CAMTA1: variants seen among roughly 807,000 people sequenced by gnomAD.
The protein encoded by CAMTA1 is calmodulin binding transcription activator 1, also known as calmodulin-binding transcription activator 1.
Under a neutral mutation model 170.9 loss-of-function variants are expected in CAMTA1, and 27 were observed. The ratio of observed to expected loss-of-function variants is 0.16; its 90% CI spans 0.12 to 0.22. CAMTA1 has a LOEUF of 0.22. CAMTA1 is among the 10% of genes least tolerant of loss of function. The probability of loss-of-function intolerance (pLI) is 1.00; values close to 1 mark genes in which losing one functional copy is unlikely to be tolerated. For synonymous variants in CAMTA1, 833 were observed against 891.5 expected (o/e 0.93, Z 1.17); for missense variants, 1,619 against 2,217.2 (o/e 0.73, Z 5.42).
At chr1:7,655,651 ACCCACACACCTATG>A (rs2095895831) in intron 7 of CAMTA1, among the ~76,000 whole-genome samples, 1 of 149,914 alleles carries the variant, frequency 6.7e-6, no homozygotes, top group Admixed American at 6.6e-5. Context: ...CACACTACAC[ACCCACACACCTATG>A]CACACACACT....
intron 5 of CAMTA1, among the ~76,000 whole-genome samples, chr1:7,342,628 G>A (rs891278159): frequency 6.6e-6 from 1 of 152,206 alleles, no homozygotes; most frequent in African/African-American, 2.4e-5. Context: ...AGAACATAGG[G>A]CTGGAGCCAT....
intron 6 of CAMTA1, among the ~76,000 whole-genome samples, chr1:7,622,100 G>T (rs1479521065): frequency 6.6e-6 from 1 of 152,210 alleles, no homozygotes; most frequent in Admixed American, 6.5e-5. Context: ...GGTATGGGGG[G>T]AGGAGGAGGA....
rs2097034850 is a variant in CAMTA1, at chr1:7,768,185, C to A, written c.*1694C>A. 1 of 147,160 alleles carries A rather than the reference C, an allele frequency of 6.8e-6. No homozygotes were observed. The highest frequency in any genetic ancestry group is 1.5e-5 in the Non-Finnish European group (1 of 67,130). The allele number at this position is 147,160 out of a possible 1,614,324, so 9.1% of individuals were successfully genotyped here. A position where few individuals can be genotyped will look rare whatever the true frequency, so the allele number is the denominator to read the frequency against. ...GAAAAATGTCACGTTTCCATATCTC[C>A]TGCTGGAAATCAGAAAATATAATAA... On this transcript the variant is annotated 3_prime_UTR_variant, in exon 23 of 23. Coordinates refer to ENST00000303635, the MANE Select transcript of CAMTA1 (RefSeq NM_015215.4).
chr1:7,515,643 C>T (rs1048778528), intron 6 of CAMTA1, among the ~76,000 whole-genome samples: 2 of 152,126 alleles, frequency 1.3e-5, no homozygotes, highest in Non-Finnish European at 2.9e-5. Context: ...CAGCTCATCT[C>T]GGAGCGAGAG....
Position 7,270,287 on chromosome 1 carries a change from A to ATTTT in CAMTA1, c.438+20662_438+20663insTTTT, listed in dbSNP as rs1249476043. On this transcript the variant is annotated intron_variant, in intron 5 of 22. Coordinates refer to ENST00000303635, the MANE Select transcript of CAMTA1 (RefSeq NM_015215.4). ...CACACACACACACATATATATATAT[A>ATTTT]TATATTTTTTTTTTTTTTTCTTGTG... Among the ~76,000 whole-genome samples, 753 of 111,496 alleles carry ATTTT rather than the reference A, an allele frequency of 6.8e-3. 15 individuals carry two copies. The highest frequency in any genetic ancestry group is 0.03 in the African/African-American group (728 of 24,666). The allele number at this position is 111,496 out of a possible 152,430, so 73.1% of individuals were successfully genotyped here. A position where few individuals can be genotyped will look rare whatever the true frequency, so the allele number is the denominator to read the frequency against.
At chr1:7,004,923 A>G (rs865962790) in intron 3 of CAMTA1, among the ~76,000 whole-genome samples, 5 of 152,078 alleles carry the variant, frequency 3.3e-5, no homozygotes, top group Non-Finnish European at 1.5e-5. Flanking sequence ...ACATGCCATC[A>G]CACCCGGCTA....
intron 3 of CAMTA1, among the ~76,000 whole-genome samples, chr1:6,927,030 G>A (rs1683421708): frequency 1.3e-5 from 2 of 152,032 alleles, no homozygotes; most frequent in African/African-American, 4.8e-5. Flanking sequence ...ATGAGCCACT[G>A]CACCTGGCCT....
In CAMTA1 at chr1:7,661,787, G is replaced by C; in HGVS notation, c.726G>C (p.Gln242His). The C allele has an allele frequency of 6.2e-7, 1 of 1,613,302 alleles. No homozygotes were observed. Among genetic ancestry groups the C allele is most frequent in the Non-Finnish European group, 8.5e-7 (1 of 1,179,786 alleles). Residue 242 changes from glutamine (Q) to histidine (H), a missense_variant, in exon 8 of 23, where the codon CAG (glutamine) becomes CAC (histidine). Gln to His is a conservative substitution (Grantham distance 24). This residue lies in a region of CAMTA1 where 731 missense variants were observed against 907.6 expected (regional missense o/e 0.81). Transcript: ENST00000303635. ...GNSSSGFSVEQLVQQILDSHQ... is the reference protein window; with the variant it reads ...GNSSSGFSVEHLVQQILDSHQ... ...GCAGCTCAGGCTTCTCGGTGGAACA[G>C]CTGGTGCAGCAGATCCTCGACAGCC... is the stretch of plus-strand genomic sequence containing the variant.
intron 4 of CAMTA1, among the ~76,000 whole-genome samples, chr1:7,162,424 A>G (rs952298684): frequency 6.6e-6 from 1 of 152,030 alleles, no homozygotes; most frequent in African/African-American, 2.4e-5. Context: ...ATCATCCCCA[A>G]AGGAAACCCT....
At chr1:7,220,563 C>A (rs1400182943) in intron 4 of CAMTA1, among the ~76,000 whole-genome samples, 1 of 152,078 alleles carries the variant, frequency 6.6e-6, no homozygotes, top group East Asian at 1.9e-4. Flanking sequence ...GGTGTTCCCA[C>A]AGTGCCACCC....
At chr1:7,587,852 G>A (rs908022861) in intron 6 of CAMTA1, among the ~76,000 whole-genome samples, 1 of 152,078 alleles carries the variant, frequency 6.6e-6, no homozygotes, top group Non-Finnish European at 1.5e-5. Context: ...AGCCCCCAGA[G>A]AGAGCAGACC....
chr1:7,281,132 C>T (rs573614092), intron 5 of CAMTA1, among the ~76,000 whole-genome samples: 4 of 152,286 alleles, frequency 2.6e-5, no homozygotes, highest in African/African-American at 9.6e-5. Context: ...ACAAAGGGTA[C>T]CTCTATGTCT....
chr1:7,688,329 A>G (rs2096276324), intron 11 of CAMTA1, among the ~76,000 whole-genome samples: 2 of 152,064 alleles, frequency 1.3e-5, no homozygotes, highest in Admixed American at 6.5e-5. Context: ...CTACCACAGC[A>G]TTTGGATGTG....
rs569365135 is a variant in CAMTA1 at position 7,749,460 on chromosome 1, G to A, written c.4689+1679G>A. The stretch of plus-strand genomic sequence containing the variant: ...TGTTTGGTGAGCAGGCTTCCTGGGA[G>A]CACAAGTGATACACAGAATGAAGGT... On this transcript the variant is annotated intron_variant, in intron 19 of 22. Transcript: ENST00000303635. Among the ~76,000 whole-genome samples, 91 of 152,034 alleles carry A rather than the reference G, an allele frequency of 6.0e-4. 1 individual carries two copies. The highest frequency in any genetic ancestry group is 2.1e-3 in the African/African-American group (86 of 41,468).
intron 3 of CAMTA1, among the ~76,000 whole-genome samples, chr1:6,874,583 G>A (rs1669306491): frequency 6.6e-6 from 1 of 152,192 alleles, no homozygotes; most frequent in African/African-American, 2.4e-5. Flanking sequence ...CACTGACTTA[G>A]AGACCCTTAT....
chr1:7,452,091 G>A (rs2092839002), intron 5 of CAMTA1, among the ~76,000 whole-genome samples: 1 of 152,206 alleles, frequency 6.6e-6, no homozygotes, highest in African/African-American at 2.4e-5. Context: ...TAAACTGGAG[G>A]CCTCAAGGGC....
chr1:6,905,694 C>T (rs1678298193), intron 3 of CAMTA1, among the ~76,000 whole-genome samples: 1 of 152,162 alleles, frequency 6.6e-6, no homozygotes, highest in South Asian at 2.1e-4. Flanking sequence ...GTGCCCCTGC[C>T]CCCTGCTTTG....
chr1:7,688,011 C>CTTTTT (rs70987364), intron 11 of CAMTA1, among the ~76,000 whole-genome samples: 16 of 103,276 alleles, frequency 1.5e-4, no homozygotes, highest in African/African-American at 3.7e-4. Flanking sequence ...CTCATTATTC[C>CTTTTT]TTTTTTTTTT....
rs1276614268 is a variant in CAMTA1 at position 7,570,814 on chromosome 1, A to C, written c.511-69586A>C. Among the ~76,000 whole-genome samples the C allele has an allele frequency of 6.6e-6, 1 of 152,084 alleles. No individual in the cohort carries two copies. Among genetic ancestry groups the C allele is most frequent in the Non-Finnish European group, 1.5e-5 (1 of 68,014 alleles). On this transcript the variant is annotated intron_variant, in intron 6 of 22. Coordinates refer to ENST00000303635, the MANE Select transcript of CAMTA1 (RefSeq NM_015215.4). The surrounding 1 kb of genome is among the most constrained non-coding windows in gnomAD (Gnocchi z 4.3). ...TCAGTGTTATCATGCGAGGATGGGG[A>C]TAGGGTACGGAGACTGGAGAGAGCC... is the stretch of plus-strand genomic sequence containing the variant.
Sources: allele counts gnomAD v4.1 joint callset (sites outside exome capture counted in the v4.1 genomes callset), GRCh38; gene constraint gnomAD v4.1.1; regional missense constraint gnomAD v4.1.1; non-coding constraint Gnocchi (gnomAD v3.1); transcripts MANE v1.5; gene names NCBI Gene and HGNC (gene_info 2026-07-23, HGNC 2026-07-21).